TNPO3: variants seen among roughly 807,000 people sequenced by gnomAD.
TNPO3 encodes transportin 3.
TNPO3 carries 65 observed loss-of-function variants against 122.8 expected under a neutral mutation model. The observed-to-expected ratio is 0.53, with a 90% CI of 0.43 to 0.65. The LOEUF (loss-of-function observed/expected upper bound fraction) is 0.65, where lower values mean the gene tolerates loss of function less well. Ranked by LOEUF, TNPO3 falls within the 30% of genes least tolerant of loss-of-function variation. TNPO3 has a pLI of 0.00. For missense variants in TNPO3, 850 were observed against 1,136.7 expected (o/e 0.75, Z 3.63); for synonymous variants, 372 against 411.2 (o/e 0.90, Z 1.15).
At chr7:129,025,812 T>G (rs1015307975) in intron 1 of TNPO3, among the ~76,000 whole-genome samples, 1 of 151,016 alleles carries the variant, frequency 6.6e-6, no homozygotes. Context: ...ATTTAGAAAA[T>G]AAAACAGAAC....
At chr7:129,031,587 A>AT (rs1444464608) in intron 1 of TNPO3, among the ~76,000 whole-genome samples, 3 of 152,188 alleles carry the variant, frequency 2.0e-5, no homozygotes, top group Non-Finnish European at 4.4e-5. Flanking sequence ...CCAGGACCAA[A>AT]TGGCTTTACT....
At chr7:128,974,674 T>C (rs1563090012) in intron 18 of TNPO3, among the ~76,000 whole-genome samples, 194 bp downstream of exon 18, 1 of 152,288 alleles carries the variant, frequency 6.6e-6, no homozygotes, top group East Asian at 1.9e-4. Context: ...AGCTCCTTTA[T>C]CCCTTGCTTC....
chr7:129,034,715 C>T (rs1806374969), intron 1 of TNPO3, among the ~76,000 whole-genome samples: 1 of 148,630 alleles, frequency 6.7e-6, no homozygotes, highest in African/African-American at 2.5e-5. Flanking sequence ...TGGTGAAACC[C>T]CATCTCTACT....
intron 1 of TNPO3, among the ~76,000 whole-genome samples, chr7:129,051,289 G>A (rs1444290361): frequency 6.6e-6 from 1 of 150,958 alleles, no homozygotes; most frequent in African/African-American, 2.4e-5. Context: ...TTTTGAGCCA[G>A]CAAACTGGAA....
chr7:129,006,481 C>T (rs1330728732), intron 4 of TNPO3, among the ~76,000 whole-genome samples: 2 of 152,092 alleles, frequency 1.3e-5, no homozygotes, highest in African/African-American at 2.4e-5. Context: ...GACTAAAACT[C>T]AATGTTTCTC....
chr7:129,012,751 GA>G (rs567100352), intron 4 of TNPO3, among the ~76,000 whole-genome samples: 27 of 152,144 alleles, frequency 1.8e-4, no homozygotes, highest in African/African-American at 6.5e-4. Flanking sequence ...TCTACTTTAG[GA>G]ACCAGTAAAC....
chr7:129,054,141 A>T (rs1809161540), intron 1 of TNPO3, among the ~76,000 whole-genome samples: 2 of 152,360 alleles, frequency 1.3e-5, no homozygotes, highest in Non-Finnish European at 2.9e-5. Flanking sequence ...CATGAGTAAG[A>T]ATCTAGAAAC....
intron 1 of TNPO3, among the ~76,000 whole-genome samples, chr7:129,033,025 C>T (rs1289248140): frequency 6.6e-6 from 1 of 152,056 alleles, no homozygotes; most frequent in Non-Finnish European, 1.5e-5. Context: ...GGAATAGACC[C>T]AGAAAGAAAC....
Position 128,974,956 on chromosome 7 carries a change from A to C in TNPO3, c.2185T>G (p.Cys729Gly), listed in dbSNP as rs781724504. Residue 729 changes from cysteine (C) to glycine (G), a missense_variant, in exon 18 of 23, where the codon TGC becomes GGC. By Grantham distance (159) the Cys-to-Gly change is radical. Coordinates refer to ENST00000265388, the MANE Select transcript of TNPO3 (RefSeq NM_012470.4). The part of the protein sequence containing the change: ...QGLLDMLQAL[C>G]IPTFQLLEQQ... The stretch of plus-strand genomic sequence containing the variant: ...TCTAGGAGCTGAAAGGTGGGGATGC[A>C]CAGTGCCTAAAACAAAACAGTGATT... 2.6e-5 allele frequency: 42 copies of C among 1,613,822 alleles called. No individual in the cohort carries two copies. The highest frequency in any genetic ancestry group is 3.6e-5 in the Non-Finnish European group (42 of 1,179,800).
intron 10 of TNPO3, among the ~76,000 whole-genome samples, chr7:128,990,505 G>A (rs1450247568): frequency 2.6e-5 from 4 of 152,224 alleles, no homozygotes; most frequent in Non-Finnish European, 4.4e-5. Context: ...AATAAATATT[G>A]CTGAATGGCT....
intron 4 of TNPO3, among the ~76,000 whole-genome samples, chr7:129,014,554 T>C (rs1367605692): frequency 1.3e-5 from 2 of 151,958 alleles, no homozygotes; most frequent in African/African-American, 2.4e-5. Flanking sequence ...CCCATAAATA[T>C]GTACAACTAT....
At chr7:128,960,714 T>C (rs1377807251) in intron 21 of TNPO3, among the ~76,000 whole-genome samples, 1 of 151,902 alleles carries the variant, frequency 6.6e-6, no homozygotes, top group East Asian at 1.9e-4. Context: ...AAATTTAGTT[T>C]ATAAAGTAAA....
At chr7:129,042,669 G>A (rs1839600) in intron 1 of TNPO3, among the ~76,000 whole-genome samples, 1,774 of 152,158 alleles carry the variant, frequency 0.012, 69 homozygotes, top group Admixed American at 0.076. Context: ...TTCTCGGACA[G>A]TGGGAAGAAA....
At chr7:129,041,277 G>C (rs2150535359) in intron 1 of TNPO3, among the ~76,000 whole-genome samples, 1 of 152,294 alleles carries the variant, frequency 6.6e-6, no homozygotes, top group East Asian at 1.9e-4. Flanking sequence ...CAGGAGGATT[G>C]GTTGAGCCCA....
chr7:128,983,643 T>C (rs894096307), intron 13 of TNPO3, among the ~76,000 whole-genome samples: 1 of 152,226 alleles, frequency 6.6e-6, no homozygotes, highest in Non-Finnish European at 1.5e-5. Flanking sequence ...ACTTAAACAT[T>C]CCTTTCTGCT....
At chr7:128,967,499 T>G in intron 20 of TNPO3, 107 bp from the exon 21 acceptor site, 2 of 671,942 alleles carry the variant, frequency 3.0e-6, no homozygotes, top group Non-Finnish European at 5.3e-6. Context: ...TAGCATTTAC[T>G]TCCCTACACT....
At chr7:129,023,207 G>A (rs1025424665) in intron 1 of TNPO3, among the ~76,000 whole-genome samples, 7 of 152,048 alleles carry the variant, frequency 4.6e-5, no homozygotes, top group Non-Finnish European at 1.0e-4. Flanking sequence ...GAAAGGAGGT[G>A]TAGACATAAA....
chr7:129,050,045 G>A (rs1808518284), intron 1 of TNPO3, among the ~76,000 whole-genome samples: 1 of 152,044 alleles, frequency 6.6e-6, no homozygotes, highest in Non-Finnish European at 1.5e-5. Context: ...GCAATATAGC[G>A]AGACCCCAAC....
chr7:129,044,008 C>T (rs1156917574), intron 1 of TNPO3, among the ~76,000 whole-genome samples: 2 of 152,184 alleles, frequency 1.3e-5, no homozygotes, highest in Non-Finnish European at 2.9e-5. Context: ...ACATACAAAG[C>T]ATATGTTAAC....
Sources: gnomAD v4.1 joint callset for allele counts (sites outside exome capture counted in the v4.1 genomes callset) on GRCh38, gnomAD v4.1.1 for gene constraint, MANE v1.5 for transcripts, NCBI Gene and HGNC (gene_info 2026-07-23, HGNC 2026-07-21) for gene names.